Variants in IFNLR1 observed in about 807,000 individuals in gnomAD.
IFNLR1 encodes CRF2-12.
Under a neutral mutation model 52.5 loss-of-function variants are expected in IFNLR1, and 28 were observed. The ratio of observed to expected loss-of-function variants is 0.53; its 90% CI spans 0.40 to 0.73. IFNLR1 has a LOEUF of 0.73. Ranked by LOEUF, IFNLR1 falls within the 30% of genes least tolerant of loss-of-function variation. The pLI is 0.00. For missense variants in IFNLR1, 623 were observed against 659.1 expected, an observed-to-expected ratio of 0.95 and a Z score of 0.60; for synonymous variants, 276 against 274.9, an observed-to-expected ratio of 1.00 and a Z score of -0.04.
At chr1:24,159,800 G>T (rs1363883092) in intron 4 of IFNLR1, among the ~76,000 whole-genome samples, 167 bp from the exon 5 acceptor site, 1 of 149,476 alleles carries the variant, frequency 6.7e-6, no homozygotes, top group Non-Finnish European at 1.5e-5. Flanking sequence ...CCAAAGTGCA[G>T]TGGTGTGATC....
chr1:24,180,812 G>A lies in IFNLR1; in HGVS notation c.101C>T (p.Ser34Phe). Residue 34 changes from serine (S) to phenylalanine (F), a missense_variant, in exon 2 of 7, where the codon TCC becomes TTC. Coordinates refer to ENST00000327535, the MANE Select transcript of IFNLR1 (RefSeq NM_170743.4). ...LAPPQNVTLL[S>F]QNFSVYLTWL... ...TGTCAGGTACACGCTGAAGTTCTGGGAGAGCAGCGTCACATTCTGGGGAGG... is the reference window on the plus strand; with the variant it reads ...TGTCAGGTACACGCTGAAGTTCTGGAAGAGCAGCGTCACATTCTGGGGAGG... 1 of 1,614,006 alleles carries A rather than the reference G, an allele frequency of 6.2e-7. No homozygotes were observed. The highest frequency in any genetic ancestry group is 8.5e-7 in the Non-Finnish European group (1 of 1,179,900).
chr1:24,159,680 G>A (rs769785291), intron 4 of IFNLR1, 47 bp from the exon 5 acceptor site: 1 of 1,564,564 alleles, frequency 6.4e-7, no homozygotes, highest in East Asian at 2.3e-5. Flanking sequence ...GTGGGGACTG[G>A]TTTCACACAG....
chr1:24,158,845 G>T (rs917312619), intron 6 of IFNLR1, among the ~76,000 whole-genome samples: 2 of 152,126 alleles, frequency 1.3e-5, no homozygotes, highest in African/African-American at 4.8e-5. Context: ...GGAACTTAAG[G>T]CACTGCTCCC....
chr1:24,167,416 GCT>G (rs1385377195), intron 3 of IFNLR1, among the ~76,000 whole-genome samples: 1 of 151,512 alleles, frequency 6.6e-6, no homozygotes, highest in Admixed American at 6.6e-5. Flanking sequence ...ACAAAGTCTT[GCT>G]CTGTCACCCA....
At chr1:24,163,797 T>C (rs1159830625) in intron 3 of IFNLR1, among the ~76,000 whole-genome samples, 1 of 152,148 alleles carries the variant, frequency 6.6e-6, no homozygotes, top group Non-Finnish European at 1.5e-5. Context: ...CAGGCTGGTC[T>C]CGAACTGCCG....
chr1:24,185,847 C>T (rs1276855535), intron 1 of IFNLR1, among the ~76,000 whole-genome samples: 1 of 152,162 alleles, frequency 6.6e-6, no homozygotes, highest in Non-Finnish European at 1.5e-5. Context: ...ACATGTAAAA[C>T]CTCAATCACC....
chr1:24,167,944 G>A (rs533138651), intron 3 of IFNLR1, among the ~76,000 whole-genome samples: 7 of 151,988 alleles, frequency 4.6e-5, no homozygotes, highest in South Asian at 4.2e-4. Flanking sequence ...TGATCCGCCC[G>A]CCTCGGCCTC....
chr1:24,157,858 A>T lies in IFNLR1; in HGVS notation c.835T>A (p.Phe279Ile). Reference sequence around the variant, plus strand: ...ACGGACTCTGGTCTGCTGGGCTGAAAGGTTGCCACAGGGTGTGTGTGTCCA... The same window carrying T: ...ACGGACTCTGGTCTGCTGGGCTGAATGGTTGCCACAGGGTGTGTGTGTCCA... ...FSGHTHPVAT[F>I]QPSRPESVND... The change falls in exon 7 of 7, where the codon TTT (phenylalanine) becomes ATT (isoleucine). Residue 279 changes from phenylalanine to isoleucine, a missense_variant. Phe to Ile is a conservative substitution (Grantham distance 21). Transcript: ENST00000327535. The surrounding 1 kb of genome is among the most constrained non-coding windows in gnomAD (Gnocchi z 5.1). The T allele has an allele frequency of 6.2e-7, 1 of 1,607,792 alleles. No individual in the cohort carries two copies. Among genetic ancestry groups the T allele is most frequent in the Non-Finnish European group, 8.5e-7 (1 of 1,177,058 alleles).
At chr1:24,170,357 T>C (rs1234022735) in intron 2 of IFNLR1, among the ~76,000 whole-genome samples, 1 of 152,186 alleles carries the variant, frequency 6.6e-6, no homozygotes, top group Non-Finnish European at 1.5e-5. Flanking sequence ...AGCCTAACAT[T>C]TTATTTTAAT....
At chr1:24,176,249 T>C (rs1644631765) in intron 2 of IFNLR1, among the ~76,000 whole-genome samples, 1 of 152,216 alleles carries the variant, frequency 6.6e-6, no homozygotes, top group African/African-American at 2.4e-5. Context: ...GGGTACATAC[T>C]ATACACATCC....
chr1:24,162,335 A>G (rs914818937), intron 3 of IFNLR1, among the ~76,000 whole-genome samples: 34 of 152,154 alleles, frequency 2.2e-4, no homozygotes, highest in Non-Finnish European at 4.1e-4. Flanking sequence ...AAACGGCACC[A>G]TGGAGTCCTG....
chr1:24,159,726 G>GTTTTTTTTTTTTTTGTTT (rs6143167), intron 4 of IFNLR1, 93 bp from the exon 5 acceptor site: 180 of 762,480 alleles, frequency 2.4e-4, no homozygotes, highest in Non-Finnish European at 3.0e-4. Context: ...ATGGTAGGGT[G>GTTTTTTTTTTTTTTGTTT]TTTTTTTTTT....
intron 2 of IFNLR1, among the ~76,000 whole-genome samples, chr1:24,173,162 C>T (rs527675763): frequency 2.0e-4 from 27 of 137,776 alleles, no homozygotes; most frequent in Non-Finnish European, 3.1e-4. Context: ...AAAAGCCTAA[C>T]GAAAATGAAA....
intron 3 of IFNLR1, among the ~76,000 whole-genome samples, chr1:24,166,926 G>A (rs561430700): frequency 1.3e-3 from 197 of 152,258 alleles, no homozygotes; most frequent in Admixed American, 3.5e-3. Flanking sequence ...GGGATACCCA[G>A]GTAGACAGTA....
intron 3 of IFNLR1, among the ~76,000 whole-genome samples, chr1:24,166,316 A>T (rs1644519187): frequency 1.3e-5 from 2 of 151,108 alleles, no homozygotes; most frequent in Admixed American, 6.6e-5. Context: ...CTCACCTTTT[A>T]TCTAGCCAGT....
Position 24,159,592 on chromosome 1 carries a change from G to A in IFNLR1, c.552C>T (p.Ile184=), listed in dbSNP as rs1644419008. 6.2e-7 allele frequency: 1 copy of A among 1,614,036 alleles called. No individual in the cohort carries two copies. The highest frequency in any genetic ancestry group is 1.7e-5 in the Admixed American group (1 of 60,002). Reference sequence around the variant, plus strand: ...GTTCGCTGGCAGCTGGCTGGAGAGTGATCTGGACTGGCTGGCCATGGGGAG... The same window carrying A: ...GTTCGCTGGCAGCTGGCTGGAGAGTAATCTGGACTGGCTGGCCATGGGGAG... ...PVTPHGQPVQ[I]TLQPAASEHH... The change falls in exon 5 of 7, where the codon ATC becomes ATT. Residue 184 remains isoleucine, a synonymous_variant. Transcript: ENST00000327535.
chr1:24,161,552 G>T lies in IFNLR1; in HGVS notation c.500C>A (p.Ala167Asp). Residue 167 changes from alanine to aspartate, a missense_variant, in exon 4 of 7, where the codon GCC (alanine) becomes GAC (aspartate). Ala to Asp is a moderately radical substitution (Grantham distance 126, BLOSUM62 -2). Transcript: ENST00000327535. The stretch of plus-strand genomic sequence containing the variant: ...AAAGGAGCTTCCCACCTTGTTTCCG[G>T]CCCCCTCCTTCCAGAATGCCACCTC... ...KYEVAFWKEG[A>D]GNKTLFPVTP... is the part of the protein sequence containing the mutation. The T allele has an allele frequency of 6.4e-7, 1 of 1,555,126 alleles. No individual in the cohort carries two copies.
chr1:24,159,051 C>G lies in IFNLR1; in HGVS notation c.801+1G>C. Reference sequence around the variant, plus strand: ...GCTGCACACCCCCAGATTTGCTATACCAGGGCCCGTGGCATCTTTGCCCGC... The same window carrying G: ...GCTGCACACCCCCAGATTTGCTATAGCAGGGCCCGTGGCATCTTTGCCCGC... On this transcript the variant is annotated splice_donor_variant, in intron 6 of 6. Coordinates refer to ENST00000327535, the MANE Select transcript of IFNLR1 (RefSeq NM_170743.4). LOFTEE classifies it high-confidence loss of function. The G allele has an allele frequency of 6.2e-7, 1 of 1,613,948 alleles. No individual in the cohort carries two copies. Among genetic ancestry groups the G allele is most frequent in the Non-Finnish European group, 8.5e-7 (1 of 1,179,920 alleles).
intron 3 of IFNLR1, 39 bp from the exon 4 acceptor site, chr1:24,161,723 G>A: frequency 6.9e-7 from 1 of 1,450,572 alleles, no homozygotes; most frequent in Non-Finnish European, 9.1e-7. Context: ...AATCCCGAGG[G>A]GCCGCACTGC....
Sources: allele counts gnomAD v4.1 joint callset (sites outside exome capture counted in the v4.1 genomes callset), GRCh38; gene constraint gnomAD v4.1.1; non-coding constraint Gnocchi (gnomAD v3.1); transcripts MANE v1.5; gene names NCBI Gene and HGNC (gene_info 2026-07-23, HGNC 2026-07-21).